GPATCH2L: variants seen among roughly 807,000 people sequenced by gnomAD.
GPATCH2L encodes the protein G patch domain-containing protein 2-like.
In GPATCH2L, 31 loss-of-function variants were observed where a neutral mutation model predicts 57.4. The ratio of observed to expected loss-of-function variants is 0.54; its 90% CI spans 0.41 to 0.73. The LOEUF is 0.73. GPATCH2L is among the 30% of genes least tolerant of loss of function. The pLI, the probability that GPATCH2L is intolerant of heterozygous loss-of-function variation, is 0.00. For synonymous variants in GPATCH2L, 199 were observed against 210.7 expected, an observed-to-expected ratio of 0.94 and a Z score of 0.48; for missense variants, 481 against 599.9, an observed-to-expected ratio of 0.80 and a Z score of 2.07.
chr14:76,211,305 G>A lies in GPATCH2L; in HGVS notation c.*9454G>A, dbSNP rs76610466. The A allele has an allele frequency of 0.022, 3,372 of 152,330 alleles. 74 individuals are homozygous for A. Among genetic ancestry groups the A allele is most frequent in the South Asian group, 0.077 (371 of 4,828 alleles). The allele number at this position is 152,330 out of a possible 1,614,324, so 9.4% of individuals were successfully genotyped here. ...CCTCTGCTAAGCTCAGGGTGCATTC[G>A]TGGAAACCCTACTGCAACTGGCCCA... On this transcript the variant is annotated 3_prime_UTR_variant, in exon 10 of 10. Coordinates refer to ENST00000261530, the MANE Select transcript of GPATCH2L (RefSeq NM_017926.4).
rs886994310 is a variant in GPATCH2L at position 76,205,527 on chromosome 14, G to A, written c.*3676G>A. 3.9e-5 allele frequency: 6 copies of A among 152,212 alleles called. No individual in the cohort carries two copies. The highest frequency in any genetic ancestry group is 1.2e-4 in the African/African-American group (5 of 41,454). The allele number at this position is 152,212 out of a possible 1,614,324, so 9.4% of individuals were successfully genotyped here. A position where few individuals can be genotyped will look rare whatever the true frequency, so the allele number is the denominator to read the frequency against. The stretch of plus-strand genomic sequence containing the variant: ...GCTGAAATAAATCTTCTTAGTCTGT[G>A]ATGCTTGTAGCATCCTTTGTTAAGT... On this transcript the variant is annotated 3_prime_UTR_variant, in exon 10 of 10. Transcript: ENST00000261530.
downstream of GPATCH2L, among the ~76,000 whole-genome samples, chr14:76,216,550 T>C (rs1357799528): frequency 6.6e-6 from 1 of 151,330 alleles, no homozygotes; most frequent in African/African-American, 2.5e-5. Context: ...TCAGGGGAAA[T>C]AGAATGCTTG....
chr14:76,175,041 A>G (rs1205738689), intron 5 of GPATCH2L: 5 of 152,214 alleles, frequency 3.3e-5, no homozygotes, highest in African/African-American at 1.2e-4. Context: ...TTGGGAGCTT[A>G]TTGTTAACAG....
rs2040331528 is a variant in GPATCH2L, at chr14:76,202,793, T to G, written c.*942T>G. 1 of 152,654 alleles carries G rather than the reference T, an allele frequency of 6.6e-6. No homozygotes were observed. Among genetic ancestry groups the G allele is most frequent in the Non-Finnish European group, 1.5e-5 (1 of 68,052 alleles). The allele number at this position is 152,654 out of a possible 1,614,324, so 9.5% of individuals were successfully genotyped here. ...ATGTCTTTTTGACATGCCTTTATAC[T>G]TGGCGTGTTTATGATGGCTCAGCTG... is the stretch of plus-strand genomic sequence containing the variant. On this transcript the variant is annotated 3_prime_UTR_variant, in exon 10 of 10. Transcript: ENST00000261530.
At chr14:76,173,518 G>T (rs749011474) in intron 4 of GPATCH2L, 28 bp from the exon 5 acceptor site, 1 of 1,488,452 alleles carries the variant, frequency 6.7e-7, no homozygotes, top group African/African-American at 1.4e-5. Context: ...TCTGCATTCG[G>T]TATCTGAGGC....
intron 2 of GPATCH2L, among the ~76,000 whole-genome samples, chr14:76,161,411 A>G (rs924560046): frequency 1.4e-4 from 22 of 152,234 alleles, no homozygotes; most frequent in Admixed American, 2.6e-4. Flanking sequence ...ACAAACCCAG[A>G]TGGTAATTTA....
downstream of GPATCH2L, among the ~76,000 whole-genome samples, chr14:76,216,365 A>G (rs1322461592): frequency 6.6e-6 from 1 of 152,200 alleles, no homozygotes; most frequent in East Asian, 1.9e-4. Flanking sequence ...GACCCAAGCC[A>G]GTTGTAACCC....
intron 1 of GPATCH2L, among the ~76,000 whole-genome samples, chr14:76,224,514 CTT>C (rs557100146): frequency 6.6e-6 from 1 of 152,018 alleles, no homozygotes; most frequent in Non-Finnish European, 1.5e-5. Flanking sequence ...ATAGTGAACA[CTT>C]AACACACTAG....
intron 1 of GPATCH2L, among the ~76,000 whole-genome samples, chr14:76,226,788 CTCT>C (rs1195196323): frequency 6.6e-6 from 1 of 152,222 alleles, no homozygotes; most frequent in Admixed American, 6.5e-5. Flanking sequence ...AAGTAAATCT[CTCT>C]TCTTTGTAAA....
chr14:76,214,855 T>C (rs892463063), downstream of GPATCH2L, among the ~76,000 whole-genome samples: 2 of 152,140 alleles, frequency 1.3e-5, no homozygotes, highest in Non-Finnish European at 2.9e-5. Context: ...AACCATGAAA[T>C]GCATGGGAAA....
chr14:76,216,960 AC>A (rs1258790648), downstream of GPATCH2L, among the ~76,000 whole-genome samples: 10 of 152,332 alleles, frequency 6.6e-5, no homozygotes, highest in Admixed American at 3.9e-4. Flanking sequence ...TGTTGAGATA[AC>A]TGGATATAGT....
chr14:76,232,798 A>G (rs61981661), intron 2 of GPATCH2L, among the ~76,000 whole-genome samples: 27,408 of 152,176 alleles, frequency 0.18, 3,265 homozygotes, highest in Non-Finnish European at 0.26. Context: ...AACAATGCAC[A>G]TGGAATATTG....
chr14:76,167,259 CTTTATT>C (rs935839677), intron 3 of GPATCH2L, among the ~76,000 whole-genome samples: 12 of 152,036 alleles, frequency 7.9e-5, no homozygotes, highest in Non-Finnish European at 1.8e-4. Context: ...ATTACCAGTT[CTTTATT>C]TTTACTACCT....
At chr14:76,179,910 C>A in intron 7 of GPATCH2L, 1 of 152,004 alleles carries the variant, frequency 6.6e-6, no homozygotes, top group Non-Finnish European at 1.5e-5. Flanking sequence ...GCAGGCCTGG[C>A]ACAGTGGCTC....
intron 4 of GPATCH2L, among the ~76,000 whole-genome samples, chr14:76,173,170 A>G (rs959653655): frequency 6.6e-6 from 1 of 152,140 alleles, no homozygotes; most frequent in Non-Finnish European, 1.5e-5. Context: ...AATGTTTTTG[A>G]CGTACAAACT....
intron 2 of GPATCH2L, among the ~76,000 whole-genome samples, chr14:76,161,184 A>G (rs1387856363): frequency 2.0e-5 from 3 of 152,208 alleles, no homozygotes; most frequent in Non-Finnish European, 4.4e-5. Context: ...AAACGATAGA[A>G]CAAAAATACC....
Position 76,197,234 on chromosome 14 carries a change from T to C in GPATCH2L, c.1288+1262T>C, listed in dbSNP as rs192967738. Among the ~76,000 whole-genome samples, 432 of 152,282 alleles carry C rather than the reference T, an allele frequency of 2.8e-3. 1 individual carries two copies. The highest frequency in any genetic ancestry group is 9.9e-3 in the African/African-American group (412 of 41,560). ...AACAAGATCAAGTCTAGACTATGAC[T>C]GTGCATCAAAACTCAGATCCTCATT... On this transcript the variant is annotated intron_variant, in intron 9 of 9. Coordinates refer to ENST00000261530, the MANE Select transcript of GPATCH2L (RefSeq NM_017926.4).
At chr14:76,183,862 G>A (rs1594962736) in intron 8 of GPATCH2L, among the ~76,000 whole-genome samples, 1 of 152,326 alleles carries the variant, frequency 6.6e-6, no homozygotes, top group East Asian at 1.9e-4. Flanking sequence ...AAGGAGGAGT[G>A]TGAAGGAGTA....
rs184066890 is a variant in GPATCH2L, at chr14:76,167,053, A to C, written c.727+326A>C. On this transcript the variant is annotated intron_variant, in intron 3 of 9. Transcript: ENST00000261530. The stretch of plus-strand genomic sequence containing the variant: ...CATTGGGAAGTTTCTTTTTATTAGA[A>C]TAAAGAAATAGGTTCATGTGTTACT... 1.4e-3 allele frequency among the ~76,000 whole-genome samples: 211 copies of C among 152,306 alleles called. 1 individual carries two copies. The highest frequency in any genetic ancestry group is 4.7e-3 in the African/African-American group (196 of 41,560).
Sources: gnomAD v4.1 joint callset for allele counts (sites outside exome capture counted in the v4.1 genomes callset) on GRCh38, gnomAD v4.1.1 for gene constraint, MANE v1.5 for transcripts, NCBI Gene and HGNC (gene_info 2026-07-23, HGNC 2026-07-21) for gene names.